The following JAM3 variants were observed in gnomAD, a reference collection of about 807,000 sequenced individuals.
The protein encoded by JAM3 is junctional adhesion molecule 3.
In JAM3, 31 loss-of-function variants were observed where a neutral mutation model predicts 39.4. That is an observed-to-expected ratio of 0.79 (90% CI 0.59 to 1.06). The LOEUF is 1.06. JAM3 is among the 50% of genes least tolerant of loss of function. The pLI, the probability that JAM3 is intolerant of heterozygous loss-of-function variation, is 0.00. For missense variants in JAM3, 455 were observed against 391.4 expected (o/e 1.16, Z -1.37); for synonymous variants, 182 against 148.7 (o/e 1.22, Z -1.63).
chr11:134,105,762 A>C (rs1439759885), intron 1 of JAM3, among the ~76,000 whole-genome samples: 1 of 152,204 alleles, frequency 6.6e-6, no homozygotes, highest in Non-Finnish European at 1.5e-5. Flanking sequence ...CTTCAAAGAG[A>C]ATAAAATACC....
At chr11:134,112,905 C>T (rs991237717) in intron 1 of JAM3, among the ~76,000 whole-genome samples, 1 of 152,124 alleles carries the variant, frequency 6.6e-6, no homozygotes, top group African/African-American at 2.4e-5. Context: ...GGTCTGAAGC[C>T]ACAGACCAAA....
chr11:134,141,720 A>G (rs1156974414), intron 3 of JAM3, among the ~76,000 whole-genome samples: 1 of 151,802 alleles, frequency 6.6e-6, no homozygotes, highest in Non-Finnish European at 1.5e-5. Flanking sequence ...GCAGGGAGAG[A>G]GACTCGAGGG....
At chr11:134,147,379 G>A (rs943319614) in intron 6 of JAM3, among the ~76,000 whole-genome samples, 6 of 147,528 alleles carry the variant, frequency 4.1e-5, no homozygotes, top group African/African-American at 1.3e-4. Flanking sequence ...CCTTGAACCC[G>A]GGAGGCGGAG....
At chr11:134,101,078 A>T (rs950062008) in intron 1 of JAM3, among the ~76,000 whole-genome samples, 1 of 152,188 alleles carries the variant, frequency 6.6e-6, no homozygotes, top group Admixed American at 6.5e-5. Context: ...GCCCCATTCT[A>T]AACAGCCAGC....
chr11:134,097,433 G>A lies in JAM3; in HGVS notation c.76+28274G>A, dbSNP rs543666480. ...GTATTGACTCCTTCATTTGAGATTCGGTGAAATTCGCAAGTACCTCTGGAA... is the reference window on the plus strand; with the variant it reads ...GTATTGACTCCTTCATTTGAGATTCAGTGAAATTCGCAAGTACCTCTGGAA... On this transcript the variant is annotated intron_variant, in intron 1 of 8. Transcript: ENST00000299106. Among the ~76,000 whole-genome samples the A allele has an allele frequency of 1.1e-4, 17 of 152,222 alleles. No homozygotes were observed. In the South Asian group the frequency reaches 2.3e-3, roughly 20 times the overall value.
chr11:134,097,510 C>T (rs1018586083), intron 1 of JAM3, among the ~76,000 whole-genome samples: 21 of 152,256 alleles, frequency 1.4e-4, no homozygotes, highest in African/African-American at 4.8e-4. Context: ...ATGTCTTTGG[C>T]AGGGACATTT....
At chr11:134,149,011 T>C in intron 8 of JAM3, 135 bp from the exon 9 acceptor site, 1 of 1,110,782 alleles carries the variant, frequency 9.0e-7, no homozygotes, top group Non-Finnish European at 1.4e-6. Flanking sequence ...GGATTTGTGC[T>C]TTGCAAGCGC....
intron 1 of JAM3, among the ~76,000 whole-genome samples, chr11:134,099,174 C>G (rs1247567243): frequency 6.6e-6 from 1 of 152,042 alleles, no homozygotes; most frequent in Admixed American, 6.5e-5. Context: ...GTACTCCAGC[C>G]TCAGTGACAG....
intron 1 of JAM3, among the ~76,000 whole-genome samples, chr11:134,099,540 G>A (rs1942038477): frequency 1.3e-5 from 2 of 152,168 alleles, no homozygotes; most frequent in Admixed American, 1.3e-4. Flanking sequence ...GGCAAGTTGT[G>A]CTGTACTTGA....
chr11:134,112,759 A>G (rs1942341469), intron 1 of JAM3, among the ~76,000 whole-genome samples: 1 of 152,222 alleles, frequency 6.6e-6, no homozygotes, highest in Non-Finnish European at 1.5e-5. Flanking sequence ...GCAACTCCAG[A>G]GTACATGCTC....
At chr11:134,138,655 A>G (rs1221813741) in intron 1 of JAM3, among the ~76,000 whole-genome samples, 1 of 152,256 alleles carries the variant, frequency 6.6e-6, no homozygotes, top group Non-Finnish European at 1.5e-5. Context: ...TCTGGCTCCC[A>G]GAGGGAGTAG....
At chr11:134,083,616 G>T (rs1006696700) in intron 1 of JAM3, among the ~76,000 whole-genome samples, 1 of 151,838 alleles carries the variant, frequency 6.6e-6, no homozygotes, top group Non-Finnish European at 1.5e-5. Context: ...TTAAAACTTT[G>T]GTTGTCATTA....
intron 1 of JAM3, among the ~76,000 whole-genome samples, chr11:134,097,894 C>T (rs1189558346): frequency 6.6e-6 from 1 of 151,670 alleles, no homozygotes; most frequent in Non-Finnish European, 1.5e-5. Context: ...ACACTTTGCA[C>T]TGTAAGATAT....
At chr11:134,069,969 C>G (rs1941462280) in intron 1 of JAM3, among the ~76,000 whole-genome samples, 1 of 152,264 alleles carries the variant, frequency 6.6e-6, no homozygotes, top group Non-Finnish European at 1.5e-5. Flanking sequence ...TCAAGACACA[C>G]TAATAAACTT....
intron 1 of JAM3, among the ~76,000 whole-genome samples, chr11:134,087,981 A>G (rs1941772176): frequency 6.6e-6 from 1 of 152,224 alleles, no homozygotes; most frequent in African/African-American, 2.4e-5. Context: ...ATGGCAGCCA[A>G]AGATGACTGC....
At chr11:134,147,304 A>G (rs1231781187) in intron 6 of JAM3, among the ~76,000 whole-genome samples, 1 of 151,426 alleles carries the variant, frequency 6.6e-6, no homozygotes, top group African/African-American at 2.4e-5. Context: ...AAATACAAAA[A>G]TTAGCCTGGT....
At chr11:134,131,179 C>A (rs1394941524) in intron 1 of JAM3, among the ~76,000 whole-genome samples, 1 of 147,942 alleles carries the variant, frequency 6.8e-6, no homozygotes, top group Admixed American at 6.9e-5. Flanking sequence ...TGAAGGAGTA[C>A]CCCTGCACAG....
rs753185927 is a variant in JAM3, at chr11:134,149,104, A to T, written c.898-42A>T. 3 of 1,613,526 alleles carry T rather than the reference A, an allele frequency of 1.9e-6. No homozygotes were observed. In the South Asian group the frequency reaches 3.3e-5, roughly 18 times the overall value. The stretch of plus-strand genomic sequence containing the variant: ...TACTCCGTGTTTTTCCCTGCTTGCC[A>T]CCAGGCCCCTTGATGGCTCTAACTG... On this transcript the variant is annotated intron_variant, in intron 8 of 8. Transcript: ENST00000299106.
At chr11:134,141,994 A>G (rs986942086) in intron 3 of JAM3, among the ~76,000 whole-genome samples, 2 of 151,556 alleles carry the variant, frequency 1.3e-5, no homozygotes, top group African/African-American at 2.4e-5. Flanking sequence ...TTTGCTTCCC[A>G]CTCACGTGAA....
Sources: allele counts gnomAD v4.1 joint callset (sites outside exome capture counted in the v4.1 genomes callset), GRCh38; gene constraint gnomAD v4.1.1; transcripts MANE v1.5; gene names NCBI Gene and HGNC (gene_info 2026-07-23, HGNC 2026-07-21).